The following SLC16A6 variants were observed in gnomAD, a reference collection of about 807,000 sequenced individuals.
SLC16A6 encodes the protein monocarboxylate transporter 7.
Under a neutral mutation model 33.8 loss-of-function variants are expected in SLC16A6, and 15 were observed. That is an observed-to-expected ratio of 0.44 (90% CI 0.30 to 0.68). The LOEUF (loss-of-function observed/expected upper bound fraction) is 0.68. SLC16A6 is among the 30% of genes least tolerant of loss of function. The pLI is 0.10. For synonymous variants in SLC16A6, 219 were observed against 248.4 expected (o/e 0.88, Z 1.11); for missense variants, 451 against 661.5 (o/e 0.68, Z 3.49).
intron 1 of SLC16A6, among the ~76,000 whole-genome samples, chr17:68,282,785 A>T: frequency 6.8e-6 from 1 of 146,028 alleles, no homozygotes; most frequent in African/African-American, 2.6e-5. Flanking sequence ...CTACTAAAAA[A>T]AAAAAAAAAA....
intron 2 of SLC16A6, 93 bp from the exon 3 acceptor site, chr17:68,274,163 G>A (rs2144996955): frequency 1.5e-6 from 2 of 1,350,784 alleles, no homozygotes; most frequent in Non-Finnish European, 2.0e-6. Context: ...CACATGGAGA[G>A]ATGATGTCGA....
At chr17:68,281,593 T>A (rs1218185131) in intron 1 of SLC16A6, among the ~76,000 whole-genome samples, 2 of 151,740 alleles carry the variant, frequency 1.3e-5, no homozygotes, top group Non-Finnish European at 2.9e-5. Flanking sequence ...AATAAATAAA[T>A]AAAATGGGTG....
At chr17:68,275,747 C>T (rs868908304) in intron 2 of SLC16A6, among the ~76,000 whole-genome samples, 2 of 151,856 alleles carry the variant, frequency 1.3e-5, no homozygotes, top group African/African-American at 4.8e-5. Context: ...TTTGGGAGGC[C>T]GAAGCAGGTG....
At position 68,271,697 on chromosome 17, in the gene SLC16A6, A is replaced by T; in HGVS notation, c.506-43T>A. 6.6e-7 allele frequency: 1 copy of T among 1,512,496 alleles called. No homozygotes were observed. Among genetic ancestry groups the T allele is most frequent in the Non-Finnish European group, 9.1e-7 (1 of 1,104,114 alleles). The allele number at this position is 1,512,496 out of a possible 1,614,324, so 93.7% of individuals were successfully genotyped here. On this transcript the variant is annotated intron_variant, in intron 4 of 5. Coordinates refer to ENST00000580666, the MANE Select transcript of SLC16A6 (RefSeq NM_004694.5). This position sits in a 1 kb window ranked among gnomAD's most constrained non-coding sequence, Gnocchi z 5.3. ...GAAGAAGAAATAATATAAGGTCAATAATGGACTCAAGACCCAGGAGAAGCC... is the reference window on the plus strand; with the variant it reads ...GAAGAAGAAATAATATAAGGTCAATTATGGACTCAAGACCCAGGAGAAGCC...
At chr17:68,270,080 A>C (rs572133742) in intron 5 of SLC16A6, among the ~76,000 whole-genome samples, 10 of 152,316 alleles carry the variant, frequency 6.6e-5, no homozygotes, top group African/African-American at 2.4e-4. Flanking sequence ...CTACAAGGAA[A>C]TATTCTGTAC....
Position 68,270,878 on chromosome 17 carries a change from T to G in SLC16A6, c.1282A>C (p.Ile428Leu), listed in dbSNP as rs1555748264. 1 of 1,614,146 alleles carries G rather than the reference T, an allele frequency of 6.2e-7. No individual in the cohort carries two copies. Among genetic ancestry groups the G allele is most frequent in the Admixed American group, 1.7e-5 (1 of 60,014 alleles). ...MSSAAGVYIF[I>L]QSIAGLAGPP... ...CCAGCCAGTCCTGCTATGCTCTGAATGAAGATGTAGACCCCAGCTGCAGAA... is the reference window on the plus strand; with the variant it reads ...CCAGCCAGTCCTGCTATGCTCTGAAGGAAGATGTAGACCCCAGCTGCAGAA... The change falls in exon 5 of 6, where the codon ATT becomes CTT. Residue 428 changes from isoleucine to leucine, a missense_variant. Coordinates refer to ENST00000580666, the MANE Select transcript of SLC16A6 (RefSeq NM_004694.5).
intron 2 of SLC16A6, chr17:68,274,470 AAAAAC>A: frequency 6.4e-6 from 1 of 155,916 alleles, no homozygotes; most frequent in Middle Eastern, 3.2e-3. Flanking sequence ...TGTCTCAAGA[AAAAAC>A]AAAACCAAAC....
chr17:68,278,745 G>T (rs768239830), intron 1 of SLC16A6, among the ~76,000 whole-genome samples: 5 of 150,402 alleles, frequency 3.3e-5, no homozygotes, highest in African/African-American at 1.2e-4. Context: ...TCAGCCTCCC[G>T]AGTAGCTGGG....
intron 1 of SLC16A6, among the ~76,000 whole-genome samples, chr17:68,286,321 G>T (rs2075841065): frequency 6.6e-6 from 1 of 152,160 alleles, no homozygotes; most frequent in South Asian, 2.1e-4. Context: ...TAGAATTATT[G>T]AATGTTAAAG....
Position 68,271,140 on chromosome 17 carries a change from T to C in SLC16A6, c.1020A>G (p.Glu340=), listed in dbSNP as rs1417466460. The C allele has an allele frequency of 3.1e-6, 5 of 1,614,148 alleles. No individual in the cohort carries two copies. Among genetic ancestry groups the C allele is most frequent in the Non-Finnish European group, 3.4e-6 (4 of 1,180,032 alleles). The change falls in exon 5 of 6, where the codon GAA becomes GAG. Residue 340 remains glutamate (E), a synonymous_variant. Transcript: ENST00000580666. This position sits in a 1 kb window ranked among gnomAD's most constrained non-coding sequence, Gnocchi z 5.3. ...AFLLSTMAIA[E]VFGRIGAGFV... is the part of the protein sequence containing the mutation. ...AACCAGCTCCGATCCTTCCGAAAAC[T>C]TCTGCAATGGCCATCGTAGATAATA...
chr17:68,291,314 C>T (rs1444666944), upstream of SLC16A6: 1 of 146,982 alleles, frequency 6.8e-6, no homozygotes, highest in African/African-American at 2.5e-5. Flanking sequence ...GCCCCCCACC[C>T]CGGCCGCCTG....
rs1207688013 is a variant in SLC16A6 at position 68,267,866 on chromosome 17, C to A, written c.*1230G>T. 2.0e-5 allele frequency: 3 copies of A among 152,154 alleles called. No individual in the cohort carries two copies. The highest frequency in any genetic ancestry group is 7.2e-5 in the African/African-American group (3 of 41,440). The allele number at this position is 152,154 out of a possible 1,614,324, so 9.4% of individuals were successfully genotyped here. On this transcript the variant is annotated 3_prime_UTR_variant, in exon 6 of 6. Transcript: ENST00000580666. ...AAGATGTAAATTGCAACTTGTAACT[C>A]GCTATAACATAATTGTCTCTGTTAC...
intron 1 of SLC16A6, among the ~76,000 whole-genome samples, chr17:68,280,162 A>G (rs2075647021): frequency 1.4e-5 from 2 of 145,064 alleles, no homozygotes; most frequent in African/African-American, 5.2e-5. Flanking sequence ...AGCCTGGGCA[A>G]TAGAGCAACT....
chr17:68,281,165 G>C (rs1055337462), intron 1 of SLC16A6, among the ~76,000 whole-genome samples: 2 of 151,488 alleles, frequency 1.3e-5, no homozygotes, highest in African/African-American at 4.9e-5. Context: ...ACCCACAGAA[G>C]GGTAGACAAT....
intron 1 of SLC16A6, among the ~76,000 whole-genome samples, chr17:68,284,368 TG>T (rs1555753779): frequency 1.3e-5 from 2 of 152,150 alleles, no homozygotes; most frequent in African/African-American, 4.8e-5. Context: ...CACTCCAGTC[TG>T]GGTGACAGAG....
At chr17:68,269,440 C>T (rs374694088) in intron 5 of SLC16A6, 94 bp from the exon 6 acceptor site, 69,403 of 1,144,256 alleles carry the variant, frequency 0.061, 7,541 homozygotes, top group African/African-American at 0.28. Flanking sequence ...CTCAGTTTCA[C>T]TGCCTTCCTT....
Position 68,271,051 on chromosome 17 carries a change from G to A in SLC16A6, c.1109C>T (p.Thr370Ile). ...YIELICVILL[T>I]VSLFAFTFAT... is the part of the protein sequence containing the mutation. ...AAAAGTAAAGGCAAACAGAGACACA[G>A]TCAATAAGATGACGCAGATGAGCTC... Residue 370 changes from threonine (T) to isoleucine (I), a missense_variant, in exon 5 of 6, where the codon ACT becomes ATT. Coordinates refer to ENST00000580666, the MANE Select transcript of SLC16A6 (RefSeq NM_004694.5). This position sits in a 1 kb window ranked among gnomAD's most constrained non-coding sequence, Gnocchi z 5.3. 1 of 1,614,186 alleles carries A rather than the reference G, an allele frequency of 6.2e-7. No individual in the cohort carries two copies. Among genetic ancestry groups the A allele is most frequent in the South Asian group, 1.1e-5 (1 of 91,086 alleles).
rs782408128 is a variant in SLC16A6 at position 68,278,200 on chromosome 17, T to C, written c.121A>G (p.Ile41Val). Residue 41 changes from isoleucine (I) to valine (V), a missense_variant, in exon 2 of 6, where the codon ATC becomes GTC. By Grantham distance (29) the Ile-to-Val change is conservative. Around this residue, in one of 2 missense-constraint regions of SLC16A6, gnomAD observed 405 missense variants for 510.7 expected, o/e 0.79. Transcript: ENST00000580666. ...FFFVEVFTYGIIKTFGVFFND... is the reference protein window; with the variant it reads ...FFFVEVFTYGVIKTFGVFFND... ...AAGAAGACACCAAATGTCTTGATGATGCCGTAGGTGAAGACTTCAACGAAG... is the reference window on the plus strand; with the variant it reads ...AAGAAGACACCAAATGTCTTGATGACGCCGTAGGTGAAGACTTCAACGAAG... 2.5e-5 allele frequency: 41 copies of C among 1,613,984 alleles called. 1 individual carries two copies. The highest frequency in any genetic ancestry group is 1.6e-4 in the Middle Eastern group (1 of 6,084).
rs1391087136 is a variant in SLC16A6 at position 68,272,669 on chromosome 17, C to G, written c.475G>C (p.Glu159Gln). Residue 159 changes from glutamate to glutamine, a missense_variant, in exon 4 of 6, where the codon GAA becomes CAA. Glu to Gln is a conservative substitution (Grantham distance 29). Around this residue, in one of 2 missense-constraint regions of SLC16A6, gnomAD observed 405 missense variants for 510.7 expected, o/e 0.79. Transcript: ENST00000580666. ...GCGAAAGCAAACACAGCGAAACATT[C>G]TCCTGTGGAAGCAACTGCAGTGACT... is the stretch of plus-strand genomic sequence containing the variant. ...SIVTAVASTG[E>Q]CFAVFAFAPA... 3 of 1,614,072 alleles carry G rather than the reference C, an allele frequency of 1.9e-6. No individual in the cohort carries two copies. The highest frequency in any genetic ancestry group is 1.6e-4 in the Middle Eastern group (1 of 6,084).
Sources: allele counts gnomAD v4.1 joint callset (sites outside exome capture counted in the v4.1 genomes callset), GRCh38; gene constraint gnomAD v4.1.1; regional missense constraint gnomAD v4.1.1; non-coding constraint Gnocchi (gnomAD v3.1); transcripts MANE v1.5; gene names NCBI Gene and HGNC (gene_info 2026-07-23, HGNC 2026-07-21).